Variants in KCNQ3 observed in about 807,000 individuals in gnomAD.
KCNQ3 encodes potassium voltage-gated channel subfamily Q member 3.
KCNQ3 carries 30 observed loss-of-function variants against 92.5 expected under a neutral mutation model. The ratio of observed to expected loss-of-function variants is 0.32; its 90% confidence interval spans 0.24 to 0.44. The LOEUF is 0.44. Among genes scored for constraint, KCNQ3 ranks in the 20% least tolerant of loss-of-function variants. KCNQ3 has a pLI of 1.00. For missense variants in KCNQ3, 913 were observed against 1,140.3 expected (o/e 0.80, Z 2.87); for synonymous variants, 450 against 468.8 (o/e 0.96, Z 0.52).
At chr8:132,237,134 T>C (rs2130391711) in intron 1 of KCNQ3, among the ~76,000 whole-genome samples, 1 of 152,342 alleles carries the variant, frequency 6.6e-6, no homozygotes, top group African/African-American at 2.4e-5. Context: ...CAAAAGGGTC[T>C]TTTTTAAGCC....
chr8:132,452,860 G>A (rs944425838), intron 1 of KCNQ3, among the ~76,000 whole-genome samples: 4 of 152,160 alleles, frequency 2.6e-5, no homozygotes, highest in African/African-American at 9.7e-5. Flanking sequence ...GCTGGGAGCT[G>A]GGGACACCAC....
intron 1 of KCNQ3, among the ~76,000 whole-genome samples, chr8:132,346,415 G>A (rs749664771): frequency 3.3e-5 from 5 of 152,188 alleles, no homozygotes; most frequent in South Asian, 2.1e-4. Context: ...CTAGAGAGGC[G>A]GAGGCGGGAG....
intron 9 of KCNQ3, among the ~76,000 whole-genome samples, chr8:132,154,193 GTTTTTT>G (rs869112851): frequency 0.012 from 319 of 27,460 alleles, 7 homozygotes; most frequent in Admixed American, 0.041. Context: ...AAGGGTAAAA[GTTTTTT>G]TTTTTTTTTT....
chr8:132,472,872 C>T (rs928280017), intron 1 of KCNQ3, among the ~76,000 whole-genome samples: 2 of 152,162 alleles, frequency 1.3e-5, no homozygotes, highest in East Asian at 1.9e-4. Context: ...GTACATGTAC[C>T]TCATAAATAT....
chr8:132,438,910 A>T (rs1162874644), intron 1 of KCNQ3, among the ~76,000 whole-genome samples: 1 of 150,332 alleles, frequency 6.7e-6, no homozygotes, highest in Non-Finnish European at 1.5e-5. Context: ...AGCCAGATGT[A>T]ACATTTTGTT....
At chr8:132,433,146 T>C (rs777868726) in intron 1 of KCNQ3, among the ~76,000 whole-genome samples, 1 of 152,204 alleles carries the variant, frequency 6.6e-6, no homozygotes, top group African/African-American at 2.4e-5. Context: ...GGTTACCTCA[T>C]ACTTTATTGT....
chr8:132,397,206 C>T (rs984252482), intron 1 of KCNQ3, among the ~76,000 whole-genome samples: 2 of 152,108 alleles, frequency 1.3e-5, no homozygotes, highest in East Asian at 1.9e-4. Context: ...GTCTGAGTGG[C>T]TGAGTCAGGC....
chr8:132,414,032 C>G (rs1820727376), intron 1 of KCNQ3, among the ~76,000 whole-genome samples: 2 of 152,202 alleles, frequency 1.3e-5, no homozygotes. Flanking sequence ...AGAAGCACCC[C>G]TCTCAATTGC....
intron 9 of KCNQ3, among the ~76,000 whole-genome samples, chr8:132,145,842 T>C (rs1825433791): frequency 6.6e-6 from 1 of 152,252 alleles, no homozygotes; most frequent in Middle Eastern, 3.4e-3. Context: ...AGGATTAAGA[T>C]GATGGTGGTC....
intron 1 of KCNQ3, among the ~76,000 whole-genome samples, chr8:132,450,316 T>C (rs1821792447): frequency 6.6e-6 from 1 of 152,154 alleles, no homozygotes; most frequent in Non-Finnish European, 1.5e-5. Flanking sequence ...GTGCTGATTG[T>C]GCATTTTTCC....
chr8:132,309,789 G>A (rs1156554144), intron 1 of KCNQ3, among the ~76,000 whole-genome samples: 1 of 152,222 alleles, frequency 6.6e-6, no homozygotes, highest in Non-Finnish European at 1.5e-5. Flanking sequence ...GGTCCCCTCT[G>A]TGAGAGTTTG....
chr8:132,183,571 A>C (rs1826863069), intron 3 of KCNQ3, among the ~76,000 whole-genome samples: 1 of 151,984 alleles, frequency 6.6e-6, no homozygotes, highest in Non-Finnish European at 1.5e-5. Flanking sequence ...TTGTCCTGCA[A>C]CTCCATGGAT....
intron 1 of KCNQ3, among the ~76,000 whole-genome samples, chr8:132,216,234 C>T (rs773990299): frequency 4.0e-5 from 6 of 151,158 alleles, no homozygotes; most frequent in Non-Finnish European, 7.3e-5. Context: ...ATGACCACAA[C>T]AACAGCAACA....
At chr8:132,332,103 G>A (rs138007726) in intron 1 of KCNQ3, among the ~76,000 whole-genome samples, 1 of 152,312 alleles carries the variant, frequency 6.6e-6, no homozygotes, top group African/African-American at 2.4e-5. Context: ...AAAAGACTTT[G>A]ATGTCCTTCT....
intron 1 of KCNQ3, among the ~76,000 whole-genome samples, chr8:132,259,044 T>C (rs561325404): frequency 5.2e-4 from 79 of 152,018 alleles, no homozygotes; most frequent in Non-Finnish European, 7.4e-4. Flanking sequence ...AAGAGTATGA[T>C]CAAATGCCTT....
At chr8:132,230,975 C>G (rs1935867053) in intron 1 of KCNQ3, among the ~76,000 whole-genome samples, 1 of 152,098 alleles carries the variant, frequency 6.6e-6, no homozygotes, top group Non-Finnish European at 1.5e-5. Flanking sequence ...ATGATGGGCC[C>G]AAATCTGATA....
chr8:132,213,454 C>T (rs546539216), intron 1 of KCNQ3, among the ~76,000 whole-genome samples: 4 of 152,176 alleles, frequency 2.6e-5, no homozygotes, highest in African/African-American at 4.8e-5. Context: ...AAGGAGTTTT[C>T]CCAGTTTGGC....
At chr8:132,257,622 C>T (rs984979576) in intron 1 of KCNQ3, among the ~76,000 whole-genome samples, 7 of 151,536 alleles carry the variant, frequency 4.6e-5, no homozygotes, top group African/African-American at 1.7e-4. Context: ...TGGCACGCAC[C>T]TGTAGTCCCA....
chr8:132,238,977 G>C (rs1814904086), intron 1 of KCNQ3, among the ~76,000 whole-genome samples: 1 of 152,240 alleles, frequency 6.6e-6, no homozygotes, highest in Non-Finnish European at 1.5e-5. Flanking sequence ...TGGAGGTAAA[G>C]ACAGAGGCAA....
Sources: gnomAD v4.1 joint callset for allele counts (sites outside exome capture counted in the v4.1 genomes callset) on GRCh38, gnomAD v4.1.1 for gene constraint, MANE v1.5 for transcripts, NCBI Gene and HGNC (gene_info 2026-07-23, HGNC 2026-07-21) for gene names.